Variants in ZNF276 observed in about 807,000 individuals in gnomAD.
ZNF276 encodes centromere protein Z.
ZNF276 carries 59 observed loss-of-function variants against 63.9 expected under a neutral mutation model. The observed-to-expected ratio is 0.92, with a 90% CI of 0.75 to 1.15. The LOEUF (loss-of-function observed/expected upper bound fraction) is 1.15, where lower values mean the gene tolerates loss of function less well. ZNF276 is among the 50% of genes most tolerant of loss of function. The pLI is 0.00. For synonymous variants in ZNF276, 496 were observed against 348.4 expected (o/e 1.42, Z -4.72); for missense variants, 1,084 against 843.8 (o/e 1.28, Z -3.53).
rs755075547 is a variant in ZNF276, at chr16:89,733,397, A to T, written c.1265A>T (p.Lys422Met). The change falls in exon 7 of 11, where the codon AAG becomes ATG. Residue 422 changes from lysine to methionine, a missense_variant. By Grantham distance (95) the Lys-to-Met change is moderately conservative. Transcript: ENST00000443381. ...KPGPKPGWKK[K>M]LRCEREELPT... is the part of the protein sequence containing the mutation. Reference sequence around the variant, plus strand: ...GGACCCAAGCCCGGATGGAAGAAGAAGCTTCGTTGTGAGAGGTGATGCCTG... The same window carrying T: ...GGACCCAAGCCCGGATGGAAGAAGATGCTTCGTTGTGAGAGGTGATGCCTG... 4.3e-6 allele frequency: 7 copies of T among 1,614,144 alleles called. No individual in the cohort carries two copies. Among genetic ancestry groups the T allele is most frequent in the South Asian group, 3.3e-5 (3 of 91,086 alleles).
In ZNF276 at chr16:89,739,395, C is replaced by G; in HGVS notation, c.*1149C>G. 1 of 1,571,274 alleles carries G rather than the reference C, an allele frequency of 6.4e-7. No individual in the cohort carries two copies. The highest frequency in any genetic ancestry group is 1.1e-5 in the South Asian group (1 of 86,970). ...TGGAGCAGAGGCACAGACAACCCTT[C>G]CCATCTGGCGGGACCCAGAGGTGCT... On this transcript the variant is annotated 3_prime_UTR_variant, in exon 11 of 11. Transcript: ENST00000443381.
At chr16:89,735,725 T>G (rs1278917691) in intron 9 of ZNF276, among the ~76,000 whole-genome samples, 2 of 152,018 alleles carry the variant, frequency 1.3e-5, no homozygotes, top group Admixed American at 6.6e-5. Context: ...TTTTTTTAAT[T>G]TATTGATGGA....
chr16:89,734,538 GGTGATCTCTAACTCCTGACCTCAA>G (rs894541149), intron 9 of ZNF276, among the ~76,000 whole-genome samples: 1 of 152,096 alleles, frequency 6.6e-6, no homozygotes, highest in Non-Finnish European at 1.5e-5. Flanking sequence ...TGTTGGCCAG[GGTGATCTCTAACTCCTGACCTCAA>G]GTGATCTCAG....
chr16:89,733,895 GGTCTCTCACCGA>G lies in ZNF276; in HGVS notation c.1357-18_1357-7del. The G allele has an allele frequency of 6.2e-7, 1 of 1,607,718 alleles. No homozygotes were observed. The highest frequency in any genetic ancestry group is 2.2e-5 in the East Asian group (1 of 44,786). ...CATGTGGCCCGGGTGCGGCTCTGAG[GGTCTCTCACCGA>G]GTCTCTCCTTCAGAAGCACATCAAG... On this transcript the variant is annotated splice_polypyrimidine_tract_variant and intron_variant, in intron 8 of 10. Transcript: ENST00000443381.
rs138247380 is a variant in ZNF276, at chr16:89,733,427, G to A, written c.1280+15G>A. On this transcript the variant is annotated intron_variant, in intron 7 of 10. Coordinates refer to ENST00000443381, the MANE Select transcript of ZNF276 (RefSeq NM_001113525.2). ...CGTTGTGAGAGGTGATGCCTGCAAC[G>A]CGAGGCTCGCCCTGCCTGTCGGGGC... The A allele has an allele frequency of 9.8e-5, 158 of 1,614,060 alleles. No homozygotes were observed. Among genetic ancestry groups the A allele is most frequent in the Middle Eastern group, 1.6e-4 (1 of 6,062 alleles).
At chr16:89,720,462 T>A, upstream of ZNF276, 1 of 1,083,338 alleles carries the variant, frequency 9.2e-7, no homozygotes, top group Non-Finnish European at 1.1e-6. Flanking sequence ...ACTCGGATTT[T>A]GGAAGGTGGC....
rs199778951 is a variant in ZNF276 at position 89,737,796 on chromosome 16, C to A, written c.1475-10C>A. On this transcript the variant is annotated splice_polypyrimidine_tract_variant and intron_variant, in intron 9 of 10. Transcript: ENST00000443381. The stretch of plus-strand genomic sequence containing the variant: ...CAGGGGCCTGGACTCACTGGACTCT[C>A]CCCTCTCAGAGGTGCGGAACTATAT... 1.1e-5 allele frequency: 17 copies of A among 1,614,146 alleles called. No individual in the cohort carries two copies. The highest frequency in any genetic ancestry group is 1.4e-5 in the Non-Finnish European group (16 of 1,180,034).
chr16:89,735,881 GTTTT>G (rs935617727), intron 9 of ZNF276, among the ~76,000 whole-genome samples: 6 of 101,898 alleles, frequency 5.9e-5, no homozygotes, highest in Non-Finnish European at 1.2e-4. Context: ...CGCCGGGGGT[GTTTT>G]TTTTTGTTTG....
chr16:89,728,183 T>C (rs1255018728), intron 5 of ZNF276, among the ~76,000 whole-genome samples: 1 of 149,364 alleles, frequency 6.7e-6, no homozygotes, highest in Non-Finnish European at 1.5e-5. Flanking sequence ...GCTGAGGTTA[T>C]AGCATAAAGG....
In ZNF276 at chr16:89,740,306, C is replaced by A; in HGVS notation, c.*2060C>A. The stretch of plus-strand genomic sequence containing the variant: ...AGGCCAGGGACTTCGAGCACCCACA[C>A]CAAGGCTGCTGCACCACGTCCTCAA... On this transcript the variant is annotated 3_prime_UTR_variant, in exon 11 of 11. Coordinates refer to ENST00000443381, the MANE Select transcript of ZNF276 (RefSeq NM_001113525.2). The A allele has an allele frequency of 1.7e-6, 1 of 592,912 alleles. No homozygotes were observed. Among genetic ancestry groups the A allele is most frequent in the Non-Finnish European group, 3.0e-6 (1 of 331,436 alleles). The allele number at this position is 592,912 out of a possible 1,614,324, so 36.7% of individuals were successfully genotyped here. A position where few individuals can be genotyped will look rare whatever the true frequency, so the allele number is the denominator to read the frequency against.
rs564690324 is a variant in ZNF276 at position 89,728,557 on chromosome 16, C to T, written c.1086-678C>T. 4.1e-4 allele frequency among the ~76,000 whole-genome samples: 62 copies of T among 152,312 alleles called. 1 individual carries two copies. In the South Asian group the frequency reaches 0.012, roughly 31 times the overall value. On this transcript the variant is annotated intron_variant, in intron 5 of 10. Coordinates refer to ENST00000443381, the MANE Select transcript of ZNF276 (RefSeq NM_001113525.2). ...CGCTGGGACTACAGGCACCCGCCAC[C>T]ACGCCCGGCTAATTTTTTGTATTTT... is the stretch of plus-strand genomic sequence containing the variant.
In ZNF276 at chr16:89,739,858, A is replaced by G; in HGVS notation, c.*1612A>G. 6.5e-7 allele frequency: 1 copy of G among 1,531,014 alleles called. No individual in the cohort carries two copies. The highest frequency in any genetic ancestry group is 8.8e-7 in the Non-Finnish European group (1 of 1,141,954). The allele number at this position is 1,531,014 out of a possible 1,614,324, so 94.8% of individuals were successfully genotyped here. On this transcript the variant is annotated 3_prime_UTR_variant, in exon 11 of 11. Transcript: ENST00000443381. Reference sequence around the variant, plus strand: ...TATTGCTTTAAACAAGTTTGTGCTTAATCTGTCCCAACTAAAATGGAGCTT... The same window carrying G: ...TATTGCTTTAAACAAGTTTGTGCTTGATCTGTCCCAACTAAAATGGAGCTT...
chr16:89,732,467 G>C (rs1287458114), intron 6 of ZNF276: 1 of 153,192 alleles, frequency 6.5e-6, no homozygotes, highest in Non-Finnish European at 1.5e-5. Flanking sequence ...TGAGAGAGTG[G>C]ATTCTGAGCT....
At chr16:89,730,114 G>A (rs954760558) in intron 6 of ZNF276, among the ~76,000 whole-genome samples, 3 of 152,204 alleles carry the variant, frequency 2.0e-5, no homozygotes, top group Non-Finnish European at 4.4e-5. Context: ...TGGAAGTTCT[G>A]ATGCTGTTAA....
chr16:89,724,532 A>G (rs568179645), intron 4 of ZNF276, among the ~76,000 whole-genome samples: 7 of 152,336 alleles, frequency 4.6e-5, no homozygotes, highest in South Asian at 4.1e-4. Context: ...CTGTAATCCC[A>G]GCTACTCTGG....
rs200574279 is a variant in ZNF276 at position 89,723,539 on chromosome 16, C to G, written c.836C>G (p.Pro279Arg). The G allele has an allele frequency of 3.7e-6, 6 of 1,612,798 alleles. No individual in the cohort carries two copies. In the East Asian group the frequency reaches 1.1e-4, roughly 30 times the overall value. The change falls in exon 4 of 11, where the codon CCT becomes CGT. Residue 279 changes from proline (P) to arginine (R), a missense_variant. By Grantham distance (103) the Pro-to-Arg change is moderately radical. Coordinates refer to ENST00000443381, the MANE Select transcript of ZNF276 (RefSeq NM_001113525.2). ...CTGCCCCAGCACCGAGGGTGGAACC[C>G]TGGGGATGCCCCTCAGACCTCCCAG... ...PRLPQHRGWN[P>R]GDAPQTSQGR...
Position 89,737,897 on chromosome 16 carries a change from G to C in ZNF276, c.1566G>C (p.Lys522Asn). 6.2e-7 allele frequency: 1 copy of C among 1,608,592 alleles called. No individual in the cohort carries two copies. Among genetic ancestry groups the C allele is most frequent in the Non-Finnish European group, 8.5e-7 (1 of 1,179,436 alleles). ...ACCAAATGCGACATTCGGGAGCCAA[G>C]CCTTTGCAGTAAGTGTGAGTCAGGA... is the stretch of plus-strand genomic sequence containing the variant. Reference protein sequence around the residue: ...LVHQMRHSGAKPLQCEVCGFQ... With the variant: ...LVHQMRHSGANPLQCEVCGFQ... Residue 522 changes from lysine (K) to asparagine (N), a missense_variant, in exon 10 of 11, where the codon AAG becomes AAC. Physicochemically the swap from Lys to Asn is moderately conservative, Grantham distance 94 (BLOSUM62 0). Coordinates refer to ENST00000443381, the MANE Select transcript of ZNF276 (RefSeq NM_001113525.2).
Position 89,738,105 on chromosome 16 carries a change from C to G in ZNF276, c.1704C>G (p.Asn568Lys). The G allele has an allele frequency of 6.2e-7, 1 of 1,613,984 alleles. No individual in the cohort carries two copies. The highest frequency in any genetic ancestry group is 8.5e-7 in the Non-Finnish European group (1 of 1,180,050). ...GCCGGCGGTTTGAGAAGGCCCACAA[C>G]CTCAATGTACACATGTCCATGGTGC... Reference protein sequence around the residue: ...QCGRRFEKAHNLNVHMSMVHP... With the variant: ...QCGRRFEKAHKLNVHMSMVHP... The change falls in exon 11 of 11, where the codon AAC (asparagine) becomes AAG (lysine). Residue 568 changes from asparagine to lysine, a missense_variant. Transcript: ENST00000443381.
rs1444437000 is a variant in ZNF276 at position 89,737,971 on chromosome 16, C to G, written c.1575-5C>G. The stretch of plus-strand genomic sequence containing the variant: ...CGCACCTTCTTATCTGCCTCTGTCC[C>G]CCAGGTGTGAGGTCTGTGGGTTCCA... On this transcript the variant is annotated splice_region_variant and splice_polypyrimidine_tract_variant and intron_variant, in intron 10 of 10. Coordinates refer to ENST00000443381, the MANE Select transcript of ZNF276 (RefSeq NM_001113525.2). 7.4e-6 allele frequency: 12 copies of G among 1,614,034 alleles called. No homozygotes were observed. Among genetic ancestry groups the G allele is most frequent in the Non-Finnish European group, 9.3e-6 (11 of 1,180,018 alleles).
Sources: allele counts gnomAD v4.1 joint callset (sites outside exome capture counted in the v4.1 genomes callset), GRCh38; gene constraint gnomAD v4.1.1; transcripts MANE v1.5; gene names NCBI Gene and HGNC (gene_info 2026-07-23, HGNC 2026-07-21).